Variants in HNRNPF observed in about 807,000 individuals in gnomAD.
HNRNPF encodes HnRNP F protein.
Under a neutral mutation model 26.0 loss-of-function variants are expected in HNRNPF, and 2 were observed. That is an observed-to-expected ratio of 0.08 (90% confidence interval 0.03 to 0.24). HNRNPF has a LOEUF of 0.24. Ranked by LOEUF, HNRNPF falls within the 10% of genes least tolerant of loss-of-function variation. The probability of loss-of-function intolerance (pLI) is 1.00; values close to 1 mark genes in which losing one functional copy is unlikely to be tolerated. For missense variants in HNRNPF, 299 were observed against 539.2 expected (o/e 0.55, Z 4.41); for synonymous variants, 234 against 211.5 (o/e 1.11, Z -0.92).
chr10:43,394,578 T>C (rs1838386316), intron 3 of HNRNPF, 52 bp downstream of exon 3: 1 of 152,096 alleles, frequency 6.6e-6, no homozygotes, highest in African/African-American at 2.4e-5. Context: ...AATTTGAGTA[T>C]AACAAATATA....
intron 1 of HNRNPF, among the ~76,000 whole-genome samples, chr10:43,406,973 G>A (rs115680905): frequency 8.8e-4 from 134 of 152,182 alleles, no homozygotes; most frequent in Middle Eastern, 3.4e-3. Flanking sequence ...TCACTTTGCA[G>A]GAATAGCACT....
chr10:43,394,055 C>CCCTTTAACAA, intron 3 of HNRNPF, among the ~76,000 whole-genome samples: 1 of 152,258 alleles, frequency 6.6e-6, no homozygotes, highest in East Asian at 1.9e-4. Flanking sequence ...GGTCTTAAAC[C>CCCTTTAACAA]CACAATAGGA....
At chr10:43,406,488 G>C (rs960659911) in intron 1 of HNRNPF, among the ~76,000 whole-genome samples, 15 of 152,120 alleles carry the variant, frequency 9.9e-5, no homozygotes, top group African/African-American at 3.6e-4. Context: ...GAGCACAAAA[G>C]TTTGAAAATC....
intron 1 of HNRNPF, among the ~76,000 whole-genome samples, chr10:43,397,788 G>C (rs958118115): frequency 6.6e-6 from 1 of 152,168 alleles, no homozygotes; most frequent in Non-Finnish European, 1.5e-5. Context: ...TTATATTGCA[G>C]AATTGTAAAT....
intron 3 of HNRNPF, among the ~76,000 whole-genome samples, chr10:43,392,756 A>C (rs1838305643): frequency 6.6e-6 from 1 of 152,106 alleles, no homozygotes; most frequent in Non-Finnish European, 1.5e-5. Context: ...GCTTGGGCCC[A>C]AGTCCTCTTC....
At chr10:43,393,817 C>T (rs1312751765) in intron 3 of HNRNPF, among the ~76,000 whole-genome samples, 1 of 152,254 alleles carries the variant, frequency 6.6e-6, no homozygotes, top group African/African-American at 2.4e-5. Flanking sequence ...TTCCTTTTTT[C>T]TCCTGGAATG....
At position 43,391,168 on chromosome 10, in the gene HNRNPF, C is replaced by G. The variant is rs963159467; in HGVS notation, c.-52-3232G>C. Among the ~76,000 whole-genome samples the G allele has an allele frequency of 7.9e-5, 12 of 152,182 alleles. No individual in the cohort carries two copies. The South Asian group carries it at 1.9e-3, about 24-fold the overall frequency. On this transcript the variant is annotated intron_variant, in intron 3 of 3. Coordinates refer to ENST00000682386, the MANE Select transcript of HNRNPF (RefSeq NM_001098204.2). ...ACTAGCCGGGCGTGATGGTGGGCAC[C>G]TGTAGTCCCAGCTACTTGGGAGGCT...
At chr10:43,399,897 T>C (rs1377119838) in intron 1 of HNRNPF, among the ~76,000 whole-genome samples, 1 of 152,152 alleles carries the variant, frequency 6.6e-6, no homozygotes, top group Non-Finnish European at 1.5e-5. Flanking sequence ...AATTTTAGAA[T>C]GAACGAAAAA....
intron 3 of HNRNPF, among the ~76,000 whole-genome samples, chr10:43,389,411 T>C (rs1237812380): frequency 6.6e-6 from 1 of 151,930 alleles, no homozygotes; most frequent in Non-Finnish European, 1.5e-5. Flanking sequence ...AGACAAAAAG[T>C]AAAGGTAAGT....
intron 3 of HNRNPF, among the ~76,000 whole-genome samples, chr10:43,392,733 T>TTCCTTAACCA (rs1838303120): frequency 1.3e-5 from 2 of 152,194 alleles, no homozygotes; most frequent in African/African-American, 4.8e-5. Flanking sequence ...AACCATTAAC[T>TTCCTTAACCA]GTAGGGAATC....
At chr10:43,388,456 GA>G (rs1370016100) in intron 3 of HNRNPF, among the ~76,000 whole-genome samples, 1 of 152,184 alleles carries the variant, frequency 6.6e-6, no homozygotes, top group East Asian at 1.9e-4. Context: ...ATGTTGCCAG[GA>G]TACAAGACAG....
chr10:43,404,803 C>G (rs1327412216), intron 1 of HNRNPF, among the ~76,000 whole-genome samples: 3 of 152,196 alleles, frequency 2.0e-5, no homozygotes, highest in Non-Finnish European at 4.4e-5. Flanking sequence ...GCCTGGGCAA[C>G]AAAACCAAAA....
chr10:43,386,537 T>A lies in HNRNPF; in HGVS notation c.*100A>T. The A allele has an allele frequency of 8.5e-7, 1 of 1,173,730 alleles. No homozygotes were observed. The highest frequency in any genetic ancestry group is 1.2e-6 in the Non-Finnish European group (1 of 860,432). 72.7% of individuals were successfully genotyped at this position (1,173,730 alleles called of 1,614,324 possible). On this transcript the variant is annotated 3_prime_UTR_variant, in exon 4 of 4. Coordinates refer to ENST00000682386, the MANE Select transcript of HNRNPF (RefSeq NM_001098204.2). ...ATCCAGATTTTTCACAAACTCATGGTGCAAAATGGGTCCCCCAGCTTCCTC... is the reference window on the plus strand; with the variant it reads ...ATCCAGATTTTTCACAAACTCATGGAGCAAAATGGGTCCCCCAGCTTCCTC...
At position 43,386,503 on chromosome 10, in the gene HNRNPF, A is replaced by G. The variant is rs1838028546; in HGVS notation, c.*134T>C. 1.2e-6 allele frequency: 1 copy of G among 830,728 alleles called. No homozygotes were observed. The allele number at this position is 830,728 out of a possible 1,614,324, so 51.5% of individuals were successfully genotyped here. A position where few individuals can be genotyped will look rare whatever the true frequency, so the allele number is the denominator to read the frequency against. ...TTGCATGAGAAAACACTGAAGAGGT[A>G]ATTTTTTAATCCAGATTTTTCACAA... On this transcript the variant is annotated 3_prime_UTR_variant, in exon 4 of 4. Transcript: ENST00000682386.
rs187734653 is a variant in HNRNPF at position 43,399,303 on chromosome 10, G to C, written c.-246-2713C>G. ...AGGTCTCTCTATGATGCCCAGACTG[G>C]TCTGTAACTCCTGGGCTCAACTGAT... On this transcript the variant is annotated intron_variant, in intron 1 of 3. Coordinates refer to ENST00000682386, the MANE Select transcript of HNRNPF (RefSeq NM_001098204.2). Among the ~76,000 whole-genome samples, 37 of 152,184 alleles carry C rather than the reference G, an allele frequency of 2.4e-4. No individual in the cohort carries two copies. The East Asian group carries it at 5.4e-3, about 22-fold the overall frequency.
chr10:43,390,299 G>A (rs1037548410), intron 3 of HNRNPF, among the ~76,000 whole-genome samples: 11 of 151,936 alleles, frequency 7.2e-5, no homozygotes, highest in Non-Finnish European at 1.6e-4. Flanking sequence ...GCTAGGCACC[G>A]CCTGTCCTTT....
rs539905388 is a variant in HNRNPF at position 43,404,624 on chromosome 10, G to A, written c.-247+4507C>T. On this transcript the variant is annotated intron_variant, in intron 1 of 3. Coordinates refer to ENST00000682386, the MANE Select transcript of HNRNPF (RefSeq NM_001098204.2). ...AGTAATCCCAGCACTTTGGGAGGCT[G>A]AGGCGGGTGGATCACCTGAGGTCAG... is the stretch of plus-strand genomic sequence containing the variant. 3.3e-5 allele frequency among the ~76,000 whole-genome samples: 5 copies of A among 152,040 alleles called. No homozygotes were observed. The South Asian group carries it at 1.0e-3, about 32-fold the overall frequency.
At chr10:43,392,728 T>C (rs577065330) in intron 3 of HNRNPF, among the ~76,000 whole-genome samples, 1 of 152,288 alleles carries the variant, frequency 6.6e-6, no homozygotes, top group Non-Finnish European at 1.5e-5. Flanking sequence ...TCCTTAACCA[T>C]TAACTGTAGG....
At chr10:43,389,220 C>T (rs1356888234) in intron 3 of HNRNPF, among the ~76,000 whole-genome samples, 1 of 152,142 alleles carries the variant, frequency 6.6e-6, no homozygotes, top group Non-Finnish European at 1.5e-5. Context: ...GATCCGCCCA[C>T]CTCAGCTGCC....
Sources: gnomAD v4.1 joint callset for allele counts (sites outside exome capture counted in the v4.1 genomes callset) on GRCh38, gnomAD v4.1.1 for gene constraint, MANE v1.5 for transcripts, NCBI Gene and HGNC (gene_info 2026-07-23, HGNC 2026-07-21) for gene names.